GALNT2: variants seen among roughly 807,000 people sequenced by gnomAD.
The protein encoded by GALNT2 is UDP-GalNAc:polypeptide N-acetylgalactosaminyltransferase 2.
Under a neutral mutation model 81.4 loss-of-function variants are expected in GALNT2, and 31 were observed. The observed-to-expected ratio is 0.38, with a 90% CI of 0.29 to 0.51. GALNT2 has a LOEUF of 0.51. Ranked by LOEUF, GALNT2 falls within the 20% of genes least tolerant of loss-of-function variation. GALNT2 has a pLI of 0.87. For synonymous variants in GALNT2, 303 were observed against 287.4 expected (o/e 1.05, Z -0.55); for missense variants, 629 against 765.7 (o/e 0.82, Z 2.11).
chr1:230,149,508 TG>T (rs748641776), intron 1 of GALNT2, among the ~76,000 whole-genome samples: 13 of 152,162 alleles, frequency 8.5e-5, no homozygotes, highest in Non-Finnish European at 1.8e-4. Flanking sequence ...AGTCCTTCTC[TG>T]TAGTAGTGAT....
chr1:230,279,557 A>G lies in GALNT2; in HGVS notation c.*99A>G. The G allele has an allele frequency of 1.4e-6, 2 of 1,388,526 alleles. No homozygotes were observed. The highest frequency in any genetic ancestry group is 2.0e-6 in the Non-Finnish European group (2 of 1,021,268). 86.0% of individuals were successfully genotyped at this position (1,388,526 alleles called of 1,614,324 possible). On this transcript the variant is annotated 3_prime_UTR_variant, in exon 16 of 16. Coordinates refer to ENST00000366672, the MANE Select transcript of GALNT2 (RefSeq NM_004481.5). The surrounding 1 kb of genome is among the most constrained non-coding windows in gnomAD (Gnocchi z 4.6). ...GTTTCTTAAACTTTCCGCGAAACTA[A>G]TATACCTCAGTATTCCATCATGGTC...
Position 230,222,031 on chromosome 1 carries a change from C to CTTTTTTTTT in GALNT2, c.375-13978_375-13970dup, listed in dbSNP as rs564681409. On this transcript the variant is annotated intron_variant, in intron 3 of 15. Coordinates refer to ENST00000366672, the MANE Select transcript of GALNT2 (RefSeq NM_004481.5). Reference sequence around the variant, plus strand: ...TTTATATACATTTCACTGCTTTTCTCTTTTTTTTTTTTTGAGACAGAGTCT... The same window carrying CTTTTTTTTT: ...TTTATATACATTTCACTGCTTTTCTCTTTTTTTTTTTTTTTTTTTTTTGAGACAGAGTCT... 1.9e-3 allele frequency among the ~76,000 whole-genome samples: 180 copies of CTTTTTTTTT among 96,120 alleles called. 23 individuals carry two copies. Among genetic ancestry groups the CTTTTTTTTT allele is most frequent in the Admixed American group, 4.7e-3 (36 of 7,710 alleles). The allele number at this position is 96,120 out of a possible 152,430, so 63.1% of individuals were successfully genotyped here. A position where few individuals can be genotyped will look rare whatever the true frequency, so the allele number is the denominator to read the frequency against.
intron 1 of GALNT2, chr1:230,092,175 A>G (rs1229049273): frequency 4.8e-5 from 1 of 20,762 alleles, no homozygotes; most frequent in East Asian, 1.9e-3. Flanking sequence ...ATATTCCTTT[A>G]GTTTTTTTTT....
intron 1 of GALNT2, among the ~76,000 whole-genome samples, chr1:230,134,209 C>T (rs750778915): frequency 2.5e-4 from 38 of 151,254 alleles, no homozygotes; most frequent in Admixed American, 5.9e-4. Context: ...CCCGGGTTCA[C>T]GCCATTCTCC....
intron 10 of GALNT2, among the ~76,000 whole-genome samples, chr1:230,253,401 G>A (rs1404567020): frequency 6.6e-6 from 1 of 152,130 alleles, no homozygotes; most frequent in Non-Finnish European, 1.5e-5. Context: ...GGCACCTGTT[G>A]CCATAACTAG....
chr1:230,235,256 A>C (rs1249475932), intron 3 of GALNT2, among the ~76,000 whole-genome samples: 1 of 148,136 alleles, frequency 6.8e-6, no homozygotes, highest in Admixed American at 6.8e-5. Flanking sequence ...CTGTTCTTCT[A>C]GTCTTGTGTC....
At chr1:230,218,884 A>C (rs1468873808) in intron 3 of GALNT2, among the ~76,000 whole-genome samples, 2 of 152,228 alleles carry the variant, frequency 1.3e-5, no homozygotes, top group African/African-American at 4.8e-5. Context: ...GTGGATGAGC[A>C]AACATTACCG....
intron 1 of GALNT2, among the ~76,000 whole-genome samples, chr1:230,139,742 A>C (rs981542294): frequency 1.3e-5 from 2 of 152,256 alleles, no homozygotes; most frequent in African/African-American, 4.8e-5. Flanking sequence ...GCATGGACTA[A>C]GGGGTAAGGA....
rs1232149260 is a variant in GALNT2, at chr1:230,257,619, C to G, written c.1136+2275C>G. Among the ~76,000 whole-genome samples the G allele has an allele frequency of 6.6e-6, 1 of 152,148 alleles. No individual in the cohort carries two copies. The highest frequency in any genetic ancestry group is 1.5e-5 in the Non-Finnish European group (1 of 68,034). ...TTGTGTAAATATACTCTATGATGTT[C>G]ACACAACGACAACATCGCCTAAGGA... On this transcript the variant is annotated intron_variant, in intron 11 of 15. Coordinates refer to ENST00000366672, the MANE Select transcript of GALNT2 (RefSeq NM_004481.5). The surrounding 1 kb of genome is among the most constrained non-coding windows in gnomAD (Gnocchi z 4.6).
Position 230,183,813 on chromosome 1 carries a change from A to C in GALNT2, c.220+5502A>C, listed in dbSNP as rs553843663. Among the ~76,000 whole-genome samples, 15 of 152,184 alleles carry C rather than the reference A, an allele frequency of 9.9e-5. No individual in the cohort carries two copies. The South Asian group carries it at 3.1e-3, about 32-fold the overall frequency. On this transcript the variant is annotated intron_variant, in intron 2 of 15. Coordinates refer to ENST00000366672, the MANE Select transcript of GALNT2 (RefSeq NM_004481.5). Reference sequence around the variant, plus strand: ...GCCAACATGGTGAAACCCTGTCTCTACAAAAAATACAAAAATTAGCCAGGT... The same window carrying C: ...GCCAACATGGTGAAACCCTGTCTCTCCAAAAAATACAAAAATTAGCCAGGT...
rs543391330 is a variant in GALNT2, at chr1:230,173,075, AT to A, written c.127-5139del. ...ATATTTTGAGGTTTTAGGATACATA[AT>A]TTTGAACCAGATTAAAATGTCTAAT... On this transcript the variant is annotated intron_variant, in intron 1 of 15. Coordinates refer to ENST00000366672, the MANE Select transcript of GALNT2 (RefSeq NM_004481.5). Among the ~76,000 whole-genome samples, 298 of 152,322 alleles carry A rather than the reference AT, an allele frequency of 2.0e-3. 2 individuals carry two copies. The highest frequency in any genetic ancestry group is 6.8e-3 in the African/African-American group (281 of 41,572).
At chr1:230,059,361 T>G (rs1395128652) in intron 1 of GALNT2, among the ~76,000 whole-genome samples, 1 of 152,196 alleles carries the variant, frequency 6.6e-6, no homozygotes, top group African/African-American at 2.4e-5. Flanking sequence ...ACAGCCACGG[T>G]GCTGAACAGT....
chr1:230,213,286 C>T (rs1456487517), intron 3 of GALNT2, among the ~76,000 whole-genome samples: 1 of 152,224 alleles, frequency 6.6e-6, no homozygotes, highest in African/African-American at 2.4e-5. Flanking sequence ...ATAACCTAAC[C>T]ACCTCTAGAC....
chr1:230,228,978 G>A (rs151038982), intron 3 of GALNT2, among the ~76,000 whole-genome samples: 476 of 152,218 alleles, frequency 3.1e-3, no homozygotes, highest in Non-Finnish European at 4.1e-3. Flanking sequence ...TATTTATGAA[G>A]GATATATAAC....
intron 1 of GALNT2, among the ~76,000 whole-genome samples, chr1:230,148,621 T>G (rs1442623398): frequency 6.6e-6 from 1 of 152,204 alleles, no homozygotes; most frequent in Non-Finnish European, 1.5e-5. Context: ...AGACAAGGTT[T>G]GTTGCCCAGG....
intron 1 of GALNT2, among the ~76,000 whole-genome samples, chr1:230,142,719 C>CTCCA (rs10638714): frequency 1.4e-4 from 21 of 151,710 alleles, no homozygotes; most frequent in South Asian, 8.3e-4. Context: ...CTCTGTTCAC[C>CTCCA]TAAGTTCGCA....
rs538981584 is a variant in GALNT2 at position 230,151,275 on chromosome 1, A to G, written c.127-26943A>G. Among the ~76,000 whole-genome samples, 23 of 152,276 alleles carry G rather than the reference A, an allele frequency of 1.5e-4. No individual in the cohort carries two copies. The South Asian group carries it at 4.4e-3, about 29-fold the overall frequency. Reference sequence around the variant, plus strand: ...CTGGAGAAGTGTCCCAGTAGAACGCACTGTTGTGTCACTTGCTCTGACCAC... The same window carrying G: ...CTGGAGAAGTGTCCCAGTAGAACGCGCTGTTGTGTCACTTGCTCTGACCAC... On this transcript the variant is annotated intron_variant, in intron 1 of 15. Transcript: ENST00000366672.
At chr1:230,273,076 C>T (rs1028077085) in intron 14 of GALNT2, among the ~76,000 whole-genome samples, 3 of 152,152 alleles carry the variant, frequency 2.0e-5, no homozygotes, top group Non-Finnish European at 4.4e-5. Flanking sequence ...CACCGGGCTG[C>T]ATCTTCACCT....
intron 3 of GALNT2, among the ~76,000 whole-genome samples, chr1:230,228,266 G>A (rs1423748008): frequency 6.6e-6 from 1 of 152,070 alleles, no homozygotes; most frequent in African/African-American, 2.4e-5. Flanking sequence ...TGTCATGCAG[G>A]GTTTTTTCAT....
Sources: gnomAD v4.1 joint callset for allele counts (sites outside exome capture counted in the v4.1 genomes callset) on GRCh38, gnomAD v4.1.1 for gene constraint, Gnocchi (gnomAD v3.1) non-coding constraint, MANE v1.5 for transcripts, NCBI Gene and HGNC (gene_info 2026-07-23, HGNC 2026-07-21) for gene names.